DENND2C: variants seen among roughly 807,000 people sequenced by gnomAD.
DENND2C encodes DENN domain containing 2C.
In DENND2C, 72 loss-of-function variants were observed where a neutral mutation model predicts 112.4. The ratio of observed to expected loss-of-function variants is 0.64; its 90% CI spans 0.53 to 0.78. The LOEUF (loss-of-function observed/expected upper bound fraction) is 0.78, where lower values mean the gene tolerates loss of function less well. DENND2C is among the 30% of genes least tolerant of loss of function. DENND2C has a pLI of 0.00. For synonymous variants in DENND2C, 329 were observed against 381.6 expected (o/e 0.86, Z 1.61); for missense variants, 992 against 1,113.8 (o/e 0.89, Z 1.56).
At chr1:114,630,160 C>T (rs1167995827) in intron 3 of DENND2C, among the ~76,000 whole-genome samples, 3 of 151,980 alleles carry the variant, frequency 2.0e-5, no homozygotes, top group Non-Finnish European at 4.4e-5. Context: ...TAAAAATTAG[C>T]TGGGCATGGT....
chr1:114,630,064 CA>C (rs1158118656), intron 3 of DENND2C, among the ~76,000 whole-genome samples: 1 of 152,116 alleles, frequency 6.6e-6, no homozygotes, highest in Non-Finnish European at 1.5e-5. Context: ...CCTGTAATCC[CA>C]GCACTTTGGG....
At chr1:114,647,542 C>A (rs544597388) in intron 2 of DENND2C, among the ~76,000 whole-genome samples, 1 of 151,998 alleles carries the variant, frequency 6.6e-6, no homozygotes, top group Non-Finnish European at 1.5e-5. Context: ...TTCTTTATAC[C>A]ATTAGGTAAT....
At chr1:114,638,619 C>T (rs1451392551) in intron 3 of DENND2C, among the ~76,000 whole-genome samples, 5 of 151,248 alleles carry the variant, frequency 3.3e-5, no homozygotes, top group African/African-American at 4.9e-5. Context: ...AAAAATTAGG[C>T]GGGCATGGCG....
intron 18 of DENND2C, among the ~76,000 whole-genome samples, chr1:114,593,474 T>A (rs12402335): frequency 0.2 from 30,927 of 152,138 alleles, 4,053 homozygotes; most frequent in Non-Finnish European, 0.3. Flanking sequence ...ACTAAACTTT[T>A]TATTACTCCT....
intron 20 of DENND2C, 148 bp downstream of exon 20, chr1:114,587,239 G>T (rs1655062526): frequency 2.5e-6 from 2 of 798,916 alleles, no homozygotes; most frequent in Admixed American, 4.1e-5. Context: ...TAGGGATGGG[G>T]TCTCACTATG....
At chr1:114,590,770 C>T (rs1247752351) in intron 18 of DENND2C, among the ~76,000 whole-genome samples, 1 of 110,128 alleles carries the variant, frequency 9.1e-6, no homozygotes, top group Non-Finnish European at 1.8e-5. Context: ...CAGAGCGAGA[C>T]TCCGTCTCAA....
intron 1 of DENND2C, among the ~76,000 whole-genome samples, chr1:114,661,069 C>A (rs573196879): frequency 1.4e-5 from 2 of 147,142 alleles, no homozygotes; most frequent in East Asian, 4.0e-4. Context: ...CGGTATTGTG[C>A]CACTGTGCAC....
chr1:114,644,942 T>C lies in DENND2C; in HGVS notation c.-205+506A>G, dbSNP rs576944924. Among the ~76,000 whole-genome samples the C allele has an allele frequency of 5.2e-4, 79 of 152,262 alleles. 1 individual carries two copies. The highest frequency in any genetic ancestry group is 7.8e-4 in the Non-Finnish European group (53 of 68,004). On this transcript the variant is annotated intron_variant, in intron 3 of 20. Coordinates refer to ENST00000393274, the MANE Select transcript of DENND2C (RefSeq NM_001256404.2). ...AACTATAATAATATCATGAACATTA[T>C]AAAGCATACTGAAACTAAAAATTTA...
intron 1 of DENND2C, among the ~76,000 whole-genome samples, chr1:114,669,169 T>G (rs569036381): frequency 6.6e-6 from 1 of 152,240 alleles, no homozygotes; most frequent in Admixed American, 6.5e-5. Flanking sequence ...GTGCCTACTA[T>G]GTACCAGGCA....
At position 114,600,055 on chromosome 1, in the gene DENND2C, C is replaced by T. The variant is rs1655453236; in HGVS notation, c.2105+149G>A. 3 of 815,170 alleles carry T rather than the reference C, an allele frequency of 3.7e-6. No homozygotes were observed. In the African/African-American group the frequency reaches 5.2e-5, roughly 14 times the overall value. The allele number at this position is 815,170 out of a possible 1,614,324, so 50.5% of individuals were successfully genotyped here. A position where few individuals can be genotyped will look rare whatever the true frequency, so the allele number is the denominator to read the frequency against. Reference sequence around the variant, plus strand: ...ATGGGTGCAGCACACCAACATGGCACATGTATACATATGTAATGAACCTGC... The same window carrying T: ...ATGGGTGCAGCACACCAACATGGCATATGTATACATATGTAATGAACCTGC... On this transcript the variant is annotated intron_variant, in intron 15 of 20. Coordinates refer to ENST00000393274, the MANE Select transcript of DENND2C (RefSeq NM_001256404.2).
chr1:114,641,137 A>C (rs1392873814), intron 3 of DENND2C, among the ~76,000 whole-genome samples: 3 of 152,042 alleles, frequency 2.0e-5, no homozygotes, highest in Admixed American at 1.3e-4. Flanking sequence ...GGTGAACAGA[A>C]TAAATCACTT....
intron 18 of DENND2C, among the ~76,000 whole-genome samples, chr1:114,593,619 T>C (rs756101176): frequency 6.6e-6 from 1 of 152,002 alleles, no homozygotes; most frequent in African/African-American, 2.4e-5. Flanking sequence ...ACCCTGTCTC[T>C]ACAAAAAATA....
intron 3 of DENND2C, among the ~76,000 whole-genome samples, chr1:114,633,662 A>C (rs979867760): frequency 6.6e-6 from 1 of 152,110 alleles, no homozygotes; most frequent in Non-Finnish European, 1.5e-5. Flanking sequence ...GGAATTCTAA[A>C]AAAATAATTG....
Position 114,594,540 on chromosome 1 carries a change from T to A in DENND2C, c.2364A>T (p.Gln788His). 1 of 1,614,022 alleles carries A rather than the reference T, an allele frequency of 6.2e-7. No homozygotes were observed. Among genetic ancestry groups the A allele is most frequent in the Non-Finnish European group, 8.5e-7 (1 of 1,180,002 alleles). ...CTTCCAAAATCTGCATCAGGGCAGC[T>A]TGAAGTTTTGGTGGTAGAATTTCAT... ...DEDEILPPKL[Q>H]AALMQILEER... Residue 788 changes from glutamine (Q) to histidine (H), a missense_variant, in exon 18 of 21, where the codon CAA becomes CAT. Coordinates refer to ENST00000393274, the MANE Select transcript of DENND2C (RefSeq NM_001256404.2).
At chr1:114,636,997 C>A (rs1255825857) in intron 3 of DENND2C, among the ~76,000 whole-genome samples, 1 of 151,722 alleles carries the variant, frequency 6.6e-6, no homozygotes, top group Non-Finnish European at 1.5e-5. Context: ...GTAATCCCAG[C>A]ACTTTGGGAG....
At chr1:114,645,322 A>C (rs757255635) in intron 3 of DENND2C, 126 bp downstream of exon 3, 1 of 152,212 alleles carries the variant, frequency 6.6e-6, no homozygotes, top group Non-Finnish European at 1.5e-5. Flanking sequence ...CCTTAATCCA[A>C]TGACTGGTGT....
At position 114,587,719 on chromosome 1, in the gene DENND2C, T is replaced by C; in HGVS notation, c.2665A>G (p.Lys889Glu). 2 of 1,606,662 alleles carry C rather than the reference T, an allele frequency of 1.2e-6. No homozygotes were observed. Among genetic ancestry groups the C allele is most frequent in the East Asian group, 4.5e-5 (2 of 44,766 alleles). Residue 889 changes from lysine to glutamate, a missense_variant, in exon 19 of 21, where the codon AAA becomes GAA. Transcript: ENST00000393274. ...AGAACTTTATAATGAAACTGACCTT[T>C]AACTCCACTTTTCCGAAGCTCTCGG... ...QDRELRKSGV[K>E]GLFEIRAIQY...
intron 20 of DENND2C, 190 bp downstream of exon 20, chr1:114,587,197 C>A: frequency 1.6e-6 from 1 of 629,652 alleles, no homozygotes; most frequent in Non-Finnish European, 2.8e-6. Flanking sequence ...CCACCATGCC[C>A]AACCATGCCC....
chr1:114,639,319 G>A (rs1357392367), intron 3 of DENND2C, among the ~76,000 whole-genome samples: 1 of 152,146 alleles, frequency 6.6e-6, no homozygotes, highest in Non-Finnish European at 1.5e-5. Context: ...GGTGGCTCAT[G>A]CTTGTAATCT....
Sources: allele counts gnomAD v4.1 joint callset (sites outside exome capture counted in the v4.1 genomes callset), GRCh38; gene constraint gnomAD v4.1.1; transcripts MANE v1.5; gene names NCBI Gene and HGNC (gene_info 2026-07-23, HGNC 2026-07-21).